Variants in CACNA1A observed in about 807,000 individuals in gnomAD.
The protein encoded by CACNA1A is voltage-dependent P/Q-type calcium channel subunit alpha-1A.
Under a neutral mutation model 262.4 loss-of-function variants are expected in CACNA1A, and 57 were observed. The ratio of observed to expected loss-of-function variants is 0.22; its 90% confidence interval spans 0.18 to 0.27. The LOEUF is 0.27. Ranked by LOEUF, CACNA1A falls within the 10% of genes least tolerant of loss-of-function variation. The pLI, the probability that CACNA1A is intolerant of heterozygous loss-of-function variation, is 1.00. For synonymous variants in CACNA1A, 1,431 were observed against 1,419.3 expected (o/e 1.01, Z -0.18); for missense variants, 2,526 against 3,562.8 (o/e 0.71, Z 7.41).
intron 24 of CACNA1A, among the ~76,000 whole-genome samples, chr19:13,266,078 A>C (rs1218416137): frequency 6.6e-6 from 1 of 152,156 alleles, no homozygotes; most frequent in African/African-American, 2.4e-5. Flanking sequence ...TCCCGACCTC[A>C]AGTGATCCAC....
intron 3 of CACNA1A, among the ~76,000 whole-genome samples, chr19:13,409,562 T>C (rs886425644): frequency 6.6e-6 from 1 of 152,166 alleles, no homozygotes; most frequent in African/African-American, 2.4e-5. Context: ...GAATTTCTTT[T>C]TGAGGCAGGG....
chr19:13,486,382 CTCTG>C (rs754203771), intron 1 of CACNA1A, among the ~76,000 whole-genome samples: 50 of 119,060 alleles, frequency 4.2e-4, no homozygotes, highest in Admixed American at 1.7e-3. Context: ...CTCTCTCTCT[CTCTG>C]TCTGTCTGTC....
intron 3 of CACNA1A, among the ~76,000 whole-genome samples, chr19:13,425,778 G>A (rs904260826): frequency 1.6e-4 from 24 of 152,090 alleles, no homozygotes; most frequent in African/African-American, 5.5e-4. Flanking sequence ...CATGGATGCC[G>A]GGCACGGTGG....
intron 3 of CACNA1A, among the ~76,000 whole-genome samples, chr19:13,450,139 C>CAAA (rs367559329): frequency 0.16 from 8,452 of 52,130 alleles, 716 homozygotes; most frequent in East Asian, 0.33. Context: ...AGACTCTTGT[C>CAAA]AAAAAAAAAA....
intron 6 of CACNA1A, among the ~76,000 whole-genome samples, chr19:13,351,692 T>A (rs1396511082): frequency 6.6e-6 from 1 of 152,178 alleles, no homozygotes; most frequent in East Asian, 1.9e-4. Context: ...GTATTTTTAG[T>A]AGAGACGGGG....
chr19:13,427,808 TAC>T (rs906639300), intron 3 of CACNA1A, among the ~76,000 whole-genome samples: 1 of 148,206 alleles, frequency 6.7e-6, no homozygotes, highest in South Asian at 2.1e-4. Context: ...CAAACAAACA[TAC>T]ACACACACTC....
intron 15 of CACNA1A, among the ~76,000 whole-genome samples, chr19:13,304,696 A>G (rs1259631664): frequency 6.7e-6 from 1 of 149,918 alleles, no homozygotes; most frequent in Non-Finnish European, 1.5e-5. Context: ...AAGAAACATC[A>G]CAACTCTCTC....
chr19:13,217,131 G>A (rs973543760), intron 38 of CACNA1A, among the ~76,000 whole-genome samples: 3 of 152,104 alleles, frequency 2.0e-5, no homozygotes, highest in South Asian at 4.1e-4. Flanking sequence ...ACGAGACTCC[G>A]TCTCAAAACA....
intron 1 of CACNA1A, among the ~76,000 whole-genome samples, chr19:13,496,178 C>T (rs551055797): frequency 6.6e-6 from 1 of 152,270 alleles, no homozygotes; most frequent in Non-Finnish European, 1.5e-5. Flanking sequence ...TAAAAGACTG[C>T]GTTGTGATCA....
intron 3 of CACNA1A, among the ~76,000 whole-genome samples, chr19:13,430,513 A>C (rs2060488002): frequency 6.6e-6 from 1 of 152,154 alleles, no homozygotes; most frequent in African/African-American, 2.4e-5. Context: ...CAATGAGACA[A>C]GCAGGTCAGG....
chr19:13,483,316 T>C (rs1315603218), intron 1 of CACNA1A, among the ~76,000 whole-genome samples: 1 of 152,164 alleles, frequency 6.6e-6, no homozygotes, highest in Non-Finnish European at 1.5e-5. Context: ...TACATTCGTA[T>C]TGCCTTAAGC....
intron 7 of CACNA1A, 62 bp downstream of exon 7, chr19:13,335,744 A>C: frequency 9.4e-7 from 1 of 1,067,516 alleles, no homozygotes; most frequent in Non-Finnish European, 1.4e-6. Context: ...AATGGCCTCT[A>C]CTTGGAAAGA....
rs187336824 is a variant in CACNA1A, at chr19:13,342,479, G to A, written c.979-6570C>T. Among the ~76,000 whole-genome samples, 59 of 152,210 alleles carry A rather than the reference G, an allele frequency of 3.9e-4. 1 individual carries two copies. The East Asian group carries it at 0.01, about 26-fold the overall frequency. On this transcript the variant is annotated intron_variant, in intron 6 of 46. Transcript: ENST00000360228. ...TTGGGAAGGATGTGCTCTAGAGATC[G>A]CCTTGTCTTTCTTCCAAGGGCTCAA...
intron 33 of CACNA1A, 25 bp downstream of exon 33, chr19:13,235,184 G>C: frequency 6.2e-7 from 1 of 1,606,704 alleles, no homozygotes; most frequent in South Asian, 1.1e-5. Flanking sequence ...GGAGGCTCTG[G>C]GAACCTTAGG....
intron 43 of CACNA1A, chr19:13,211,002 A>C: frequency 3.1e-6 from 1 of 322,658 alleles, no homozygotes; most frequent in Non-Finnish European, 5.9e-6. Context: ...TGCACACCCC[A>C]ACCCCTGGCT....
intron 3 of CACNA1A, among the ~76,000 whole-genome samples, chr19:13,372,721 G>A (rs1306740986): frequency 6.6e-6 from 1 of 152,162 alleles, no homozygotes; most frequent in Non-Finnish European, 1.5e-5. Context: ...CAGGTTACCG[G>A]TATGCTAACC....
intron 1 of CACNA1A, among the ~76,000 whole-genome samples, chr19:13,471,912 G>A (rs1451371359): frequency 6.6e-6 from 1 of 152,130 alleles, no homozygotes; most frequent in Non-Finnish European, 1.5e-5. Context: ...GAATGCCACT[G>A]AATTGCTCAT....
At chr19:13,391,196 T>C (rs367836176) in intron 3 of CACNA1A, among the ~76,000 whole-genome samples, 2 of 152,334 alleles carry the variant, frequency 1.3e-5, no homozygotes, top group African/African-American at 4.8e-5. Flanking sequence ...CAATTGCATC[T>C]TTATTTGAAC....
intron 36 of CACNA1A, 157 bp downstream of exon 36, chr19:13,229,925 T>A (rs1451263067): frequency 2.5e-6 from 2 of 799,292 alleles, no homozygotes; most frequent in Admixed American, 3.0e-5. Context: ...TATGCAAGGG[T>A]GATGATTCTT....
Sources: gnomAD v4.1 joint callset for allele counts (sites outside exome capture counted in the v4.1 genomes callset) on GRCh38, gnomAD v4.1.1 for gene constraint, MANE v1.5 for transcripts, NCBI Gene and HGNC (gene_info 2026-07-23, HGNC 2026-07-21) for gene names.